Variants in SLC4A8 observed in about 807,000 individuals in gnomAD.
SLC4A8 encodes electroneutral sodium bicarbonate exchanger 1.
Under a neutral mutation model 125.0 loss-of-function variants are expected in SLC4A8, and 40 were observed. The ratio of observed to expected loss-of-function variants is 0.32; its 90% confidence interval spans 0.25 to 0.42. The LOEUF (loss-of-function observed/expected upper bound fraction) is 0.42. Ranked by LOEUF, SLC4A8 falls within the 10% of genes least tolerant of loss-of-function variation. The pLI is 1.00. For missense variants in SLC4A8, 863 were observed against 1,355.1 expected, an observed-to-expected ratio of 0.64 and a Z score of 5.70; for synonymous variants, 456 against 476.0, an observed-to-expected ratio of 0.96 and a Z score of 0.55.
At chr12:51,441,421 C>T (rs1331241708) in intron 2 of SLC4A8, among the ~76,000 whole-genome samples, 5 of 152,182 alleles carry the variant, frequency 3.3e-5, no homozygotes, top group Non-Finnish European at 5.9e-5. Context: ...CTTCCTTTCT[C>T]TGCACCTCAC....
intron 16 of SLC4A8, among the ~76,000 whole-genome samples, chr12:51,479,188 T>C (rs1244217776): frequency 6.6e-6 from 1 of 152,220 alleles, no homozygotes; most frequent in Non-Finnish European, 1.5e-5. Context: ...TACCTTCTAA[T>C]GTTGAGTTGG....
At chr12:51,396,968 C>T (rs547518753) in intron 1 of SLC4A8, among the ~76,000 whole-genome samples, 4 of 111,336 alleles carry the variant, frequency 3.6e-5, no homozygotes, top group African/African-American at 7.0e-5. Context: ...CTCATTCTGT[C>T]GCCCAGGCTG....
chr12:51,439,564 G>T (rs930628972), intron 1 of SLC4A8, among the ~76,000 whole-genome samples: 1 of 151,708 alleles, frequency 6.6e-6, no homozygotes, highest in African/African-American at 2.4e-5. Flanking sequence ...GTAGTTCCAG[G>T]AAGAGACAGC....
intron 1 of SLC4A8, 66 bp from the exon 2 acceptor site, chr12:51,440,642 A>G: frequency 8.0e-7 from 1 of 1,248,178 alleles, no homozygotes; most frequent in Non-Finnish European, 1.1e-6. Context: ...GATCTGGCAT[A>G]CACAAGGTTT....
intron 5 of SLC4A8, among the ~76,000 whole-genome samples, chr12:51,454,016 C>T (rs4237901): frequency 0.22 from 32,811 of 152,050 alleles, 4,357 homozygotes; most frequent in Non-Finnish European, 0.3. Context: ...ATAAAGTTCC[C>T]TCGGGTGCAG....
At chr12:51,422,413 C>T (rs551666583), upstream of SLC4A8, among the ~76,000 whole-genome samples, 1 of 152,090 alleles carries the variant, frequency 6.6e-6, no homozygotes, top group Non-Finnish European at 1.5e-5. Flanking sequence ...TCTGTCACCT[C>T]GGCTGGAGTG....
At chr12:51,457,301 G>T in intron 5 of SLC4A8, 50 bp from the exon 6 acceptor site, 1 of 1,542,724 alleles carries the variant, frequency 6.5e-7, no homozygotes, top group South Asian at 1.2e-5. Flanking sequence ...TGGCCTTCTT[G>T]GGTTCATTAA....
At chr12:51,440,477 G>A (rs1315198513) in intron 1 of SLC4A8, among the ~76,000 whole-genome samples, 1 of 151,444 alleles carries the variant, frequency 6.6e-6, no homozygotes, top group East Asian at 1.9e-4. Context: ...TTGTGACCCT[G>A]GGCCATCATT....
At chr12:51,461,914 C>A in intron 9 of SLC4A8, 2 of 211,446 alleles carry the variant, frequency 9.5e-6, no homozygotes, top group Non-Finnish European at 9.5e-6. Flanking sequence ...CAGGAAGGAC[C>A]TTCATTAGTA....
intron 1 of SLC4A8, among the ~76,000 whole-genome samples, chr12:51,406,037 G>C (rs532527507): frequency 1.8e-4 from 27 of 152,230 alleles, no homozygotes; most frequent in Non-Finnish European, 3.1e-4. Flanking sequence ...ACACACCAGA[G>C]AGGTGATGTA....
At chr12:51,494,133 T>C (rs1169062862) in intron 20 of SLC4A8, among the ~76,000 whole-genome samples, 3 of 152,168 alleles carry the variant, frequency 2.0e-5, no homozygotes, top group Admixed American at 1.3e-4. Flanking sequence ...CATGGACAGA[T>C]CTAGGTTAGT....
At chr12:51,444,638 T>G (rs1262365654) in intron 2 of SLC4A8, among the ~76,000 whole-genome samples, 2 of 152,194 alleles carry the variant, frequency 1.3e-5, no homozygotes, top group African/African-American at 2.4e-5. Context: ...GTAGTCCCTT[T>G]CTGCAGTAAT....
At chr12:51,424,053 ACAAAAAAAACAAC>A (rs1948870285), upstream of SLC4A8, among the ~76,000 whole-genome samples, 1 of 42,502 alleles carries the variant, frequency 2.4e-5, no homozygotes, top group Non-Finnish European at 5.4e-5. Context: ...AAAAAAAAAA[ACAAAAAAAACAAC>A]AAAAAAAAAA....
chr12:51,475,563 A>G (rs985057915), intron 16 of SLC4A8, among the ~76,000 whole-genome samples: 5 of 152,210 alleles, frequency 3.3e-5, no homozygotes, highest in African/African-American at 1.2e-4. Flanking sequence ...AATACAGTAA[A>G]TTGTCATTGT....
intron 12 of SLC4A8, 91 bp downstream of exon 12, chr12:51,469,879 C>A: frequency 2.5e-6 from 3 of 1,203,642 alleles, no homozygotes; most frequent in Non-Finnish European, 2.4e-6. Context: ...ATTACTTGGT[C>A]TAGGACTGAA....
intron 1 of SLC4A8, among the ~76,000 whole-genome samples, chr12:51,437,693 A>G (rs963470490): frequency 1.3e-5 from 2 of 152,248 alleles, no homozygotes; most frequent in African/African-American, 4.8e-5. Flanking sequence ...AGTCTCAGGT[A>G]TTCCATTATA....
At chr12:51,401,809 T>C (rs1308835702) in intron 1 of SLC4A8, among the ~76,000 whole-genome samples, 1 of 151,982 alleles carries the variant, frequency 6.6e-6, no homozygotes, top group African/African-American at 2.4e-5. Context: ...TCCCAGCACT[T>C]CCCTGCCCCA....
chr12:51,407,361 C>T (rs1370769325), intron 1 of SLC4A8, among the ~76,000 whole-genome samples: 1 of 152,070 alleles, frequency 6.6e-6, no homozygotes, highest in African/African-American at 2.4e-5. Flanking sequence ...TAGGCTCAAG[C>T]AATCCTGCCT....
intron 19 of SLC4A8, among the ~76,000 whole-genome samples, chr12:51,492,491 G>A (rs1235698011): frequency 1.3e-5 from 2 of 152,080 alleles, no homozygotes; most frequent in Non-Finnish European, 2.9e-5. Context: ...GAGCCTAAAC[G>A]TTGCTGCTTC....
Sources: allele counts gnomAD v4.1 joint callset (sites outside exome capture counted in the v4.1 genomes callset), GRCh38; gene constraint gnomAD v4.1.1; transcripts MANE v1.5; gene names NCBI Gene and HGNC (gene_info 2026-07-23, HGNC 2026-07-21).